The following TTC28 variants were observed in gnomAD, a reference collection of about 807,000 sequenced individuals.
The protein encoded by TTC28 is tetratricopeptide repeat domain 28, also known as tetratricopeptide repeat protein 28.
Under a neutral mutation model 198.0 loss-of-function variants are expected in TTC28, and 61 were observed. The observed-to-expected ratio is 0.31, with a 90% confidence interval of 0.25 to 0.38. The LOEUF is 0.38. Among genes scored for constraint, TTC28 ranks in the 10% least tolerant of loss-of-function variants. The pLI is 1.00. For synonymous variants in TTC28, 1,171 were observed against 1,297.8 expected (o/e 0.90, Z 2.10); for missense variants, 2,678 against 3,164.0 (o/e 0.85, Z 3.69).
chr22:28,440,058 A>G (rs1601400650), intron 2 of TTC28, among the ~76,000 whole-genome samples: 1 of 152,078 alleles, frequency 6.6e-6, no homozygotes, highest in South Asian at 2.1e-4. Flanking sequence ...CCGGTCTCGA[A>G]CTCCTGACCT....
At chr22:28,208,370 T>C (rs1217642421) in intron 5 of TTC28, among the ~76,000 whole-genome samples, 3 of 152,104 alleles carry the variant, frequency 2.0e-5, no homozygotes, top group East Asian at 3.9e-4. Context: ...AGAACATAAA[T>C]GGCAGAGACT....
At chr22:28,538,709 G>A (rs1037158186) in intron 2 of TTC28, among the ~76,000 whole-genome samples, 14 of 151,792 alleles carry the variant, frequency 9.2e-5, no homozygotes, top group Admixed American at 7.9e-4. Flanking sequence ...ACAGGCGTGC[G>A]CCACCACGTC....
intron 2 of TTC28, among the ~76,000 whole-genome samples, chr22:28,450,140 A>G (rs532485929): frequency 2.6e-5 from 4 of 152,162 alleles, no homozygotes; most frequent in Non-Finnish European, 4.4e-5. Context: ...AGCTATAAAG[A>G]GATGGGGGGT....
intron 3 of TTC28, among the ~76,000 whole-genome samples, chr22:28,298,604 G>A (rs1450543063): frequency 2.0e-5 from 3 of 151,990 alleles, no homozygotes; most frequent in Admixed American, 6.6e-5. Flanking sequence ...ACACACCATC[G>A]TCTGTGGCTA....
At chr22:28,676,506 G>A (rs2051991954) in intron 1 of TTC28, among the ~76,000 whole-genome samples, 2 of 152,038 alleles carry the variant, frequency 1.3e-5, no homozygotes, top group South Asian at 4.1e-4. Flanking sequence ...TTCATGGTAG[G>A]TGAATTTATC....
intron 2 of TTC28, among the ~76,000 whole-genome samples, chr22:28,383,291 T>G (rs2046524845): frequency 6.6e-6 from 1 of 152,226 alleles, no homozygotes. Context: ...CCTATGTACT[T>G]TCTTTGGTGA....
chr22:28,285,747 G>A (rs2044672340), intron 5 of TTC28, among the ~76,000 whole-genome samples: 1 of 152,120 alleles, frequency 6.6e-6, no homozygotes, highest in East Asian at 1.9e-4. Context: ...ATAATCTAAT[G>A]TGTAAGACAC....
intron 2 of TTC28, among the ~76,000 whole-genome samples, chr22:28,558,321 G>T (rs1317147087): frequency 1.3e-5 from 2 of 152,206 alleles, no homozygotes; most frequent in African/African-American, 4.8e-5. Context: ...AACCAAAAAT[G>T]TTGGGGTATT....
At chr22:28,271,160 G>A (rs1194919532) in intron 5 of TTC28, among the ~76,000 whole-genome samples, 4 of 150,930 alleles carry the variant, frequency 2.7e-5, no homozygotes, top group Admixed American at 1.3e-4. Flanking sequence ...ATACCACCCA[G>A]GCTGGTCTCA....
At chr22:28,658,196 A>G (rs1279528372) in intron 1 of TTC28, among the ~76,000 whole-genome samples, 1 of 152,186 alleles carries the variant, frequency 6.6e-6, no homozygotes, top group African/African-American at 2.4e-5. Context: ...AGCCAAATTA[A>G]TGAGTTCTCT....
At chr22:28,100,945 AATAT>A (rs1942128336) in intron 9 of TTC28, among the ~76,000 whole-genome samples, 1 of 152,218 alleles carries the variant, frequency 6.6e-6, no homozygotes, top group Non-Finnish European at 1.5e-5. Flanking sequence ...AATAGCAGTT[AATAT>A]AAAAATTCTT....
chr22:28,135,991 T>C (rs1943189986), intron 6 of TTC28, among the ~76,000 whole-genome samples: 1 of 152,240 alleles, frequency 6.6e-6, no homozygotes, highest in Admixed American at 6.5e-5. Context: ...TGGGGTTTTT[T>C]GTTTTTCACA....
chr22:28,359,167 T>C (rs2046121475), intron 2 of TTC28, among the ~76,000 whole-genome samples: 1 of 152,190 alleles, frequency 6.6e-6, no homozygotes, highest in South Asian at 2.1e-4. Context: ...TGAACTGAAT[T>C]CTAGAATACG....
intron 2 of TTC28, among the ~76,000 whole-genome samples, chr22:28,549,978 T>C (rs1335800994): frequency 6.6e-6 from 1 of 152,216 alleles, no homozygotes; most frequent in Non-Finnish European, 1.5e-5. Flanking sequence ...ATAAGATCTG[T>C]ACTTTAATTC....
chr22:28,542,718 A>C (rs762027817), intron 2 of TTC28, among the ~76,000 whole-genome samples: 126 of 152,180 alleles, frequency 8.3e-4, no homozygotes, highest in Admixed American at 4.1e-3. Flanking sequence ...GAGATAACAG[A>C]AAAGATTTTG....
At chr22:28,433,972 A>G (rs1267020793) in intron 2 of TTC28, among the ~76,000 whole-genome samples, 1 of 152,244 alleles carries the variant, frequency 6.6e-6, no homozygotes, top group Non-Finnish European at 1.5e-5. Context: ...CTTATTTATC[A>G]AAAGGTCACT....
At chr22:28,339,595 C>T (rs1312847704) in intron 2 of TTC28, among the ~76,000 whole-genome samples, 1 of 152,146 alleles carries the variant, frequency 6.6e-6, no homozygotes, top group Non-Finnish European at 1.5e-5. Context: ...CAATGGCGGG[C>T]GCCCCTCCCC....
intron 6 of TTC28, among the ~76,000 whole-genome samples, chr22:28,109,726 G>A (rs1276774607): frequency 2.0e-5 from 3 of 152,180 alleles, no homozygotes; most frequent in African/African-American, 7.2e-5. Context: ...CTAGAGTGAG[G>A]GCCACCACTA....
At chr22:28,482,014 C>T (rs2048253232) in intron 2 of TTC28, among the ~76,000 whole-genome samples, 1 of 152,150 alleles carries the variant, frequency 6.6e-6, no homozygotes, top group Admixed American at 6.5e-5. Flanking sequence ...ACTCCATATG[C>T]ATCAGCTATC....
Sources: allele counts gnomAD v4.1 joint callset (sites outside exome capture counted in the v4.1 genomes callset), GRCh38; gene constraint gnomAD v4.1.1; transcripts MANE v1.5; gene names NCBI Gene and HGNC (gene_info 2026-07-23, HGNC 2026-07-21).